ANKS1B: variants seen among roughly 807,000 people sequenced by gnomAD.
ANKS1B encodes the protein ankyrin repeat and sterile alpha motif domain-containing protein 1B.
Under a neutral mutation model 148.3 loss-of-function variants are expected in ANKS1B, and 36 were observed. The observed-to-expected ratio is 0.24, with a 90% CI of 0.19 to 0.32. The LOEUF is 0.32. Among genes scored for constraint, ANKS1B ranks in the 10% least tolerant of loss-of-function variants. ANKS1B has a pLI of 1.00. For synonymous variants in ANKS1B, 542 were observed against 560.8 expected (o/e 0.97, Z 0.47); for missense variants, 1,157 against 1,542.6 (o/e 0.75, Z 4.19).
chr12:98,918,646 T>C (rs1441213071), intron 17 of ANKS1B, among the ~76,000 whole-genome samples: 1 of 152,246 alleles, frequency 6.6e-6, no homozygotes, highest in Non-Finnish European at 1.5e-5. Flanking sequence ...GAGACAAGTA[T>C]GCATCTTTAT....
chr12:99,853,682 G>T (rs2088437663), intron 1 of ANKS1B, among the ~76,000 whole-genome samples: 1 of 152,024 alleles, frequency 6.6e-6, no homozygotes, highest in African/African-American at 2.4e-5. Context: ...ACCCCCAAAA[G>T]TTCACACTAG....
chr12:98,864,882 T>C (rs1363128632), intron 17 of ANKS1B, among the ~76,000 whole-genome samples: 2 of 152,194 alleles, frequency 1.3e-5, no homozygotes, highest in Admixed American at 1.3e-4. Context: ...CTCTGTTACA[T>C]CCCTGCCATT....
In ANKS1B at chr12:98,744,845, A is replaced by T; in HGVS notation, c.*894T>A. 2.0e-6 allele frequency: 2 copies of T among 985,610 alleles called. No homozygotes were observed. The highest frequency in any genetic ancestry group is 2.4e-6 in the Non-Finnish European group (2 of 829,896). 61.1% of individuals were successfully genotyped at this position (985,610 alleles called of 1,614,324 possible). ...TAAAACACTGTGAAGATTAAAAAAC[A>T]ATCTTGGCAGGCTGATGGCTGCGTC... On this transcript the variant is annotated 3_prime_UTR_variant, in exon 27 of 27. Coordinates refer to ENST00000683438, the MANE Select transcript of ANKS1B (RefSeq NM_001352186.2).
intron 8 of ANKS1B, among the ~76,000 whole-genome samples, chr12:99,671,151 A>G (rs1472838278): frequency 6.6e-6 from 1 of 152,172 alleles, no homozygotes; most frequent in Non-Finnish European, 1.5e-5. Context: ...TTATCTCTGT[A>G]ATTGCAAGAA....
intron 9 of ANKS1B, among the ~76,000 whole-genome samples, chr12:99,590,108 G>C (rs2097685131): frequency 6.6e-6 from 1 of 151,886 alleles, no homozygotes; most frequent in African/African-American, 2.4e-5. Flanking sequence ...AAAAAGTACA[G>C]TATGTATTTA....
intron 19 of ANKS1B, among the ~76,000 whole-genome samples, chr12:98,809,658 G>A (rs1225672449): frequency 6.6e-6 from 1 of 152,092 alleles, no homozygotes; most frequent in Non-Finnish European, 1.5e-5. Flanking sequence ...AGAAGGCAGA[G>A]GGCCACTCCA....
At chr12:99,086,846 G>T (rs999320809) in intron 15 of ANKS1B, among the ~76,000 whole-genome samples, 4 of 152,108 alleles carry the variant, frequency 2.6e-5, no homozygotes, top group African/African-American at 9.7e-5. Context: ...AAAAACGCAA[G>T]AATAGAAATG....
chr12:98,827,916 C>T (rs912202082), intron 19 of ANKS1B, among the ~76,000 whole-genome samples: 4 of 151,942 alleles, frequency 2.6e-5, no homozygotes, highest in Non-Finnish European at 5.9e-5. Context: ...ATATGTGACT[C>T]GAAAATATAA....
intron 11 of ANKS1B, among the ~76,000 whole-genome samples, chr12:99,423,487 T>C (rs2095157932): frequency 6.6e-6 from 1 of 152,182 alleles, no homozygotes; most frequent in Non-Finnish European, 1.5e-5. Flanking sequence ...TTACTGGGTA[T>C]GTACCCAAAA....
At chr12:99,730,324 T>G (rs12809513) in intron 8 of ANKS1B, among the ~76,000 whole-genome samples, 8 of 88,756 alleles carry the variant, frequency 9.0e-5, no homozygotes, top group Non-Finnish European at 2.0e-4. Context: ...CAAGTCAAGT[T>G]GAGTCAAGGC....
At chr12:99,042,679 T>A (rs1056576130) in intron 17 of ANKS1B, among the ~76,000 whole-genome samples, 5 of 152,326 alleles carry the variant, frequency 3.3e-5, no homozygotes, top group Admixed American at 1.3e-4. Flanking sequence ...TTGAATGCTA[T>A]TTGCAAAGCA....
At chr12:99,792,696 CA>C (rs1163982012) in intron 4 of ANKS1B, among the ~76,000 whole-genome samples, 1 of 151,812 alleles carries the variant, frequency 6.6e-6, no homozygotes, top group Non-Finnish European at 1.5e-5. Flanking sequence ...CAAAACACCT[CA>C]ATGTAATAAA....
intron 4 of ANKS1B, among the ~76,000 whole-genome samples, chr12:99,791,781 C>T (rs1168057355): frequency 2.2e-5 from 3 of 138,958 alleles, no homozygotes; most frequent in African/African-American, 7.8e-5. Context: ...TTATAGCCAT[C>T]AATGCCTACA....
chr12:99,786,722 G>C (rs2065045481), intron 4 of ANKS1B, among the ~76,000 whole-genome samples: 1 of 152,094 alleles, frequency 6.6e-6, no homozygotes, highest in Non-Finnish European at 1.5e-5. Flanking sequence ...AGATATAAAT[G>C]CTTAGAAAAA....
intron 8 of ANKS1B, among the ~76,000 whole-genome samples, chr12:99,772,420 G>A (rs1348414735): frequency 2.6e-5 from 4 of 152,058 alleles, no homozygotes; most frequent in Non-Finnish European, 4.4e-5. Flanking sequence ...AAGATTCTGA[G>A]CTTATCAAAG....
chr12:99,805,840 G>A (rs879368588), intron 4 of ANKS1B, among the ~76,000 whole-genome samples: 7 of 151,750 alleles, frequency 4.6e-5, no homozygotes, highest in South Asian at 2.1e-4. Context: ...AGTACATTAC[G>A]GTGGAAAGAG....
chr12:99,294,223 T>C (rs1265060240), intron 12 of ANKS1B, among the ~76,000 whole-genome samples: 1 of 152,194 alleles, frequency 6.6e-6, no homozygotes, highest in Middle Eastern at 3.2e-3. Context: ...ATATCTGCAC[T>C]CCTACATTTA....
At chr12:99,449,960 T>G (rs1366569501) in intron 10 of ANKS1B, among the ~76,000 whole-genome samples, 1 of 152,038 alleles carries the variant, frequency 6.6e-6, no homozygotes, top group African/African-American at 2.4e-5. Context: ...GACAAAGATT[T>G]ACTGTAAGGC....
intron 1 of ANKS1B, among the ~76,000 whole-genome samples, chr12:99,902,996 C>T (rs1207186159): frequency 1.3e-5 from 2 of 152,086 alleles, no homozygotes; most frequent in African/African-American, 4.8e-5. Context: ...AAACTCTTGA[C>T]CTCAAGTGAT....
Sources: gnomAD v4.1 joint callset for allele counts (sites outside exome capture counted in the v4.1 genomes callset) on GRCh38, gnomAD v4.1.1 for gene constraint, MANE v1.5 for transcripts, NCBI Gene and HGNC (gene_info 2026-07-23, HGNC 2026-07-21) for gene names.